TLK1: variants seen among roughly 807,000 people sequenced by gnomAD.
TLK1 encodes serine/threonine-protein kinase tousled-like 1.
A neutral mutation model predicts 105.3 loss-of-function variants in TLK1; 24 were observed. The ratio of observed to expected loss-of-function variants is 0.23; its 90% CI spans 0.17 to 0.32. TLK1 has a LOEUF of 0.32. Among genes scored for constraint, TLK1 ranks in the 10% least tolerant of loss-of-function variants. The probability of loss-of-function intolerance (pLI) is 1.00; values close to 1 mark genes in which losing one functional copy is unlikely to be tolerated. For synonymous variants in TLK1, 321 were observed against 310.4 expected (o/e 1.03, Z -0.36); for missense variants, 558 against 910.5 (o/e 0.61, Z 4.98).
At chr2:170,996,461 A>G (rs1477857631) in intron 20 of TLK1, among the ~76,000 whole-genome samples, 192 bp downstream of exon 20, 1 of 152,240 alleles carries the variant, frequency 6.6e-6, no homozygotes, top group Non-Finnish European at 1.5e-5. Context: ...CCATAGCTTA[A>G]AAGATAAAAA....
intron 12 of TLK1, among the ~76,000 whole-genome samples, chr2:171,024,564 C>T (rs947244721): frequency 6.6e-6 from 1 of 152,112 alleles, no homozygotes; most frequent in Admixed American, 6.6e-5. Context: ...AGGAAAGCCA[C>T]AAGTGAATTA....
chr2:171,064,516 T>G (rs1394977733), intron 3 of TLK1, among the ~76,000 whole-genome samples: 4 of 152,230 alleles, frequency 2.6e-5, no homozygotes, highest in African/African-American at 9.6e-5. Context: ...ATATAGAACA[T>G]TTTCAAGACT....
chr2:171,037,152 G>A (rs1360044816), intron 11 of TLK1, among the ~76,000 whole-genome samples: 1 of 152,004 alleles, frequency 6.6e-6, no homozygotes. Context: ...GTATTAAGAA[G>A]CATGATGGGC....
chr2:171,127,214 T>C (rs1005971696), intron 1 of TLK1, among the ~76,000 whole-genome samples: 16 of 150,168 alleles, frequency 1.1e-4, no homozygotes, highest in African/African-American at 3.9e-4. Context: ...GAGGCGGAGG[T>C]TGCAGTGAGC....
rs368477472 is a variant in TLK1 at position 170,993,668 on chromosome 2, T to TTA, written c.*111_*112insTA. On this transcript the variant is annotated 3_prime_UTR_variant, in exon 21 of 21. Transcript: ENST00000431350. ...AAACAGTTCTTAACCACGTCTTGTG[T>TTA]AAAAAAAAAAAAAAAAAAAAAAGAA... is the stretch of plus-strand genomic sequence containing the variant. 7 of 433,810 alleles carry TTA rather than the reference T, an allele frequency of 1.6e-5. No individual in the cohort carries two copies. Among genetic ancestry groups the TTA allele is most frequent in the South Asian group, 7.2e-5 (1 of 13,944 alleles). 26.9% of individuals were successfully genotyped at this position (433,810 alleles called of 1,614,324 possible). A position where few individuals can be genotyped will look rare whatever the true frequency, so the allele number is the denominator to read the frequency against.
chr2:171,059,297 T>C (rs1327237933), intron 4 of TLK1, among the ~76,000 whole-genome samples: 1 of 152,210 alleles, frequency 6.6e-6, no homozygotes, highest in African/African-American at 2.4e-5. Context: ...CCAGAAGCTA[T>C]TTCCCCAATT....
chr2:171,020,548 G>GA (rs1340027145), intron 12 of TLK1, among the ~76,000 whole-genome samples: 151 of 143,766 alleles, frequency 1.1e-3, no homozygotes, highest in Non-Finnish European at 9.2e-4. Flanking sequence ...AAAAAAAAAA[G>GA]AAAAAAAGAA....
chr2:171,059,853 G>A (rs1487911593), intron 4 of TLK1: 3 of 827,132 alleles, frequency 3.6e-6, no homozygotes, highest in Non-Finnish European at 6.4e-6. Context: ...ACTCCTATGA[G>A]AATCTAACGC....
Position 170,993,966 on chromosome 2 carries a change from AGAAAG to A in TLK1, c.2125-15_2125-11del, listed in dbSNP as rs763851468. 1 of 1,581,900 alleles carries A rather than the reference AGAAAG, an allele frequency of 6.3e-7. No homozygotes were observed. Among genetic ancestry groups the A allele is most frequent in the African/African-American group, 1.4e-5 (1 of 73,616 alleles). ...AGCGTCTTATAAATGCCTCAAAAAG[AGAAAG>A]GAAATGTTAGCAATTAATGATCTTT... On this transcript the variant is annotated splice_polypyrimidine_tract_variant and intron_variant, in intron 20 of 20. Coordinates refer to ENST00000431350, the MANE Select transcript of TLK1 (RefSeq NM_012290.5).
At chr2:171,129,885 C>CATAACATAAT (rs1691030568) in intron 1 of TLK1, among the ~76,000 whole-genome samples, 1 of 148,930 alleles carries the variant, frequency 6.7e-6, no homozygotes, top group African/African-American at 2.5e-5. Flanking sequence ...CATAACATAA[C>CATAACATAAT]ATGGGTAAAA....
At chr2:171,206,851 T>G (rs919155176) in intron 1 of TLK1, among the ~76,000 whole-genome samples, 1 of 152,204 alleles carries the variant, frequency 6.6e-6, no homozygotes, top group African/African-American at 2.4e-5. Flanking sequence ...AACAATGAGA[T>G]ACCACTACAC....
chr2:171,004,343 T>C (rs1307651800), intron 18 of TLK1, among the ~76,000 whole-genome samples: 1 of 151,858 alleles, frequency 6.6e-6, no homozygotes, highest in Admixed American at 6.6e-5. Context: ...AATTTTCCAA[T>C]GTATTTATCG....
intron 3 of TLK1, among the ~76,000 whole-genome samples, chr2:171,079,528 T>C (rs1053702022): frequency 6.6e-6 from 1 of 152,338 alleles, no homozygotes; most frequent in Middle Eastern, 3.4e-3. Context: ...AATAAATGTT[T>C]ACTGAAAATA....
At chr2:171,038,626 G>A (rs1686493250) in intron 11 of TLK1, among the ~76,000 whole-genome samples, 1 of 152,026 alleles carries the variant, frequency 6.6e-6, no homozygotes, top group Admixed American at 6.6e-5. Flanking sequence ...ATTGCATTGT[G>A]GTCAGGGAAC....
intron 13 of TLK1, among the ~76,000 whole-genome samples, chr2:171,013,182 T>G (rs1430535956): frequency 1.3e-5 from 2 of 151,762 alleles, no homozygotes; most frequent in Admixed American, 1.3e-4. Flanking sequence ...TGGGCTAGTG[T>G]TTTTATTTTT....
At chr2:171,194,445 A>T (rs920981801) in intron 1 of TLK1, among the ~76,000 whole-genome samples, 1 of 152,188 alleles carries the variant, frequency 6.6e-6, no homozygotes, top group Admixed American at 6.5e-5. Flanking sequence ...CTTCCCTACC[A>T]TTTATTATGA....
chr2:171,088,089 G>C (rs1379367932), intron 2 of TLK1, among the ~76,000 whole-genome samples: 1 of 152,082 alleles, frequency 6.6e-6, no homozygotes, highest in African/African-American at 2.4e-5. Flanking sequence ...CCAGCACTTT[G>C]GGGGGCTGAA....
intron 12 of TLK1, among the ~76,000 whole-genome samples, chr2:171,024,110 G>A (rs1419735524): frequency 6.6e-6 from 1 of 151,968 alleles, no homozygotes; most frequent in Non-Finnish European, 1.5e-5. Flanking sequence ...TAATAACTGG[G>A]GAAGTTTGTA....
At chr2:171,161,748 A>G (rs1692505620), upstream of TLK1, among the ~76,000 whole-genome samples, 3 of 152,216 alleles carry the variant, frequency 2.0e-5, no homozygotes, top group South Asian at 6.2e-4. Context: ...CTGAGTCCCG[A>G]CTACAAAAAT....
Sources: gnomAD v4.1 joint callset for allele counts (sites outside exome capture counted in the v4.1 genomes callset) on GRCh38, gnomAD v4.1.1 for gene constraint, MANE v1.5 for transcripts, NCBI Gene and HGNC (gene_info 2026-07-23, HGNC 2026-07-21) for gene names.